Variants in SUGP2 observed in about 807,000 individuals in gnomAD.
The protein encoded by SUGP2 is SURP and G-patch domain containing 2, also known as SURP and G-patch domain-containing protein 2.
A neutral mutation model predicts 90.5 loss-of-function variants in SUGP2; 24 were observed. That is an observed-to-expected ratio of 0.27 (90% CI 0.19 to 0.37). The LOEUF (loss-of-function observed/expected upper bound fraction) is 0.37. SUGP2 is among the 10% of genes least tolerant of loss of function. The probability of loss-of-function intolerance (pLI) is 1.00; values close to 1 mark genes in which losing one functional copy is unlikely to be tolerated. For missense variants in SUGP2, 1,233 were observed against 1,363.3 expected, an observed-to-expected ratio of 0.90 and a Z score of 1.51; for synonymous variants, 473 against 513.4, an observed-to-expected ratio of 0.92 and a Z score of 1.06.
intron 2 of SUGP2, among the ~76,000 whole-genome samples, chr19:19,026,768 T>C (rs1390470834): frequency 6.6e-6 from 1 of 151,782 alleles, no homozygotes; most frequent in Admixed American, 6.6e-5. Context: ...ACCGTGAGGC[T>C]AGAGGAACCA....
Position 19,033,507 on chromosome 19 carries a change from G to T in SUGP2, c.-82C>A. The T allele has an allele frequency of 7.1e-7, 1 of 1,405,632 alleles. No individual in the cohort carries two copies. Among genetic ancestry groups the T allele is most frequent in the Admixed American group, 2.8e-5 (1 of 35,232 alleles). The allele number at this position is 1,405,632 out of a possible 1,614,324, so 87.1% of individuals were successfully genotyped here. A position where few individuals can be genotyped will look rare whatever the true frequency, so the allele number is the denominator to read the frequency against. ...TCCTCACCCGCCGCCGCCGCCGCGC[G>T]AGGCGGGGACATGCAAATGAACCAA... On this transcript the variant is annotated 5_prime_UTR_variant, in exon 1 of 11. Transcript: ENST00000452918.
At position 19,001,690 on chromosome 19, in the gene SUGP2, AAG is replaced by A; in HGVS notation, c.2930-18_2930-17del. On this transcript the variant is annotated splice_polypyrimidine_tract_variant and intron_variant, in intron 7 of 10. Transcript: ENST00000452918. ...GGTTCATGGACTAGAAGACAAAAGA[AAG>A]AGACACATACACATACATGTGCTTT... The A allele has an allele frequency of 2.5e-6, 4 of 1,613,904 alleles. No individual in the cohort carries two copies. The highest frequency in any genetic ancestry group is 3.4e-6 in the Non-Finnish European group (4 of 1,179,740).
At chr19:19,017,851 C>T (rs1316756231) in intron 4 of SUGP2, among the ~76,000 whole-genome samples, 1 of 151,928 alleles carries the variant, frequency 6.6e-6, no homozygotes, top group African/African-American at 2.4e-5. Flanking sequence ...AGCTTTAACC[C>T]AGCAGTTTCA....
Position 19,026,123 on chromosome 19 carries a change from G to A in SUGP2, c.225C>T (p.Ala75=), listed in dbSNP as rs1158734034. ...CGTCACTTCTCAGGCCTTCTCTTCC[G>A]GCATCTCTAGAGTGAGCTACAGATC... ...LSGSVAHSRD[A]GREGLRSDVF... Residue 75 remains alanine (A), a synonymous_variant, in exon 3 of 11, where the codon GCC becomes GCT. Transcript: ENST00000452918. 8.1e-6 allele frequency: 13 copies of A among 1,613,934 alleles called. No individual in the cohort carries two copies. Among genetic ancestry groups the A allele is most frequent in the South Asian group, 1.1e-5 (1 of 91,078 alleles).
At chr19:19,021,553 G>A (rs2058728886) in intron 3 of SUGP2, among the ~76,000 whole-genome samples, 1 of 152,174 alleles carries the variant, frequency 6.6e-6, no homozygotes, top group Admixed American at 6.5e-5. Flanking sequence ...GTCAGAAAGT[G>A]GGTCACAGCT....
chr19:19,005,495 A>C (rs928302317), intron 6 of SUGP2, among the ~76,000 whole-genome samples: 3 of 152,136 alleles, frequency 2.0e-5, no homozygotes, highest in African/African-American at 7.2e-5. Flanking sequence ...CCCACCAAGC[A>C]CTATAAAATG....
chr19:19,021,740 C>T (rs1230082158), intron 3 of SUGP2, among the ~76,000 whole-genome samples: 5 of 151,014 alleles, frequency 3.3e-5, no homozygotes, highest in African/African-American at 4.9e-5. Flanking sequence ...GCTCTAGGCT[C>T]ACTGCAACCT....
intron 7 of SUGP2, among the ~76,000 whole-genome samples, chr19:19,002,070 C>G (rs913715289): frequency 6.6e-6 from 1 of 152,192 alleles, no homozygotes; most frequent in Non-Finnish European, 1.5e-5. Context: ...TTATCTGCAG[C>G]TAATTCACTG....
chr19:19,013,650 ATTAT>A (rs963530362), intron 4 of SUGP2, among the ~76,000 whole-genome samples: 1 of 152,062 alleles, frequency 6.6e-6, no homozygotes, highest in Non-Finnish European at 1.5e-5. Flanking sequence ...CCAAACATCA[ATTAT>A]TTAGATTTTA....
At chr19:19,007,248 A>C (rs1461787417) in intron 6 of SUGP2, 1 of 152,290 alleles carries the variant, frequency 6.6e-6, no homozygotes, top group Non-Finnish European at 1.5e-5. Flanking sequence ...TGCTCCCAGC[A>C]TGAGCACGCC....
chr19:19,007,469 T>G (rs1408100663), intron 6 of SUGP2: 1 of 152,634 alleles, frequency 6.6e-6, no homozygotes, highest in East Asian at 1.9e-4. Flanking sequence ...TTTTTTTTTT[T>G]GAGATGGAGT....
At position 19,025,417 on chromosome 19, in the gene SUGP2, T is replaced by C; in HGVS notation, c.931A>G (p.Arg311Gly). Residue 311 changes from arginine to glycine, a missense_variant, in exon 3 of 11, where the codon AGA becomes GGA. Physicochemically the swap from Arg to Gly is moderately radical, Grantham distance 125 (BLOSUM62 -2). This residue lies in a region of SUGP2 where 418 missense variants were observed against 399.9 expected (regional missense o/e 1.05). Coordinates refer to ENST00000452918, the MANE Select transcript of SUGP2 (RefSeq NM_001017392.5). ...GLDLKNLRLP[R>G]RKMSFDIIDK... is the part of the protein sequence containing the mutation. Reference sequence around the variant, plus strand: ...ATGATGTCAAAGCTCATCTTTCTTCTGGGGAGCCGAAGATTCTTCAGATCC... The same window carrying C: ...ATGATGTCAAAGCTCATCTTTCTTCCGGGGAGCCGAAGATTCTTCAGATCC... 3 of 1,614,174 alleles carry C rather than the reference T, an allele frequency of 1.9e-6. No individual in the cohort carries two copies. Among genetic ancestry groups the C allele is most frequent in the Admixed American group, 1.7e-5 (1 of 60,008 alleles).
chr19:19,017,225 C>T (rs905413858), intron 4 of SUGP2, among the ~76,000 whole-genome samples: 1 of 152,140 alleles, frequency 6.6e-6, no homozygotes, highest in African/African-American at 2.4e-5. Flanking sequence ...AGCACACCTA[C>T]AGAGTAGCAG....
In SUGP2 at chr19:19,019,186, G is replaced by A; in HGVS notation, c.1773C>T (p.Asp591=). The A allele has an allele frequency of 6.2e-7, 1 of 1,614,154 alleles. No homozygotes were observed. Among genetic ancestry groups the A allele is most frequent in the Non-Finnish European group, 8.5e-7 (1 of 1,180,006 alleles). ...CTTCGATGACACGTTTCACAAGCTG[G>A]TCGATGGTGCCCACTACCCTGTGAT... is the stretch of plus-strand genomic sequence containing the variant. ...RADHRVVGTI[D]QLVKRVIEGS... Residue 591 remains aspartate, a synonymous_variant, in exon 4 of 11, where the codon GAC becomes GAT. Transcript: ENST00000452918.
Position 19,025,898 on chromosome 19 carries a change from A to G in SUGP2, c.450T>C (p.His150=), listed in dbSNP as rs759634925. 1 of 1,614,218 alleles carries G rather than the reference A, an allele frequency of 6.2e-7. No homozygotes were observed. Among genetic ancestry groups the G allele is most frequent in the Admixed American group, 1.7e-5 (1 of 60,022 alleles). The change falls in exon 3 of 11, where the codon CAT becomes CAC. Residue 150 remains histidine (H), a synonymous_variant. Transcript: ENST00000452918. ...LRGSWEQDFG[H]PVSQESSWSQ... Reference sequence around the variant, plus strand: ...ACCAAGAGGACTCTTGAGAAACTGGATGGCCAAAGTCTTGTTCCCAAGAAC... The same window carrying G: ...ACCAAGAGGACTCTTGAGAAACTGGGTGGCCAAAGTCTTGTTCCCAAGAAC...
At chr19:18,996,472 G>A (rs562207076) in intron 8 of SUGP2, among the ~76,000 whole-genome samples, 13 of 152,156 alleles carry the variant, frequency 8.5e-5, no homozygotes, top group Admixed American at 7.9e-4. Flanking sequence ...GCTGGTCTCG[G>A]ATTCCCGGCT....
chr19:19,033,008 A>G (rs2059244711), intron 1 of SUGP2: 3 of 152,114 alleles, frequency 2.0e-5, no homozygotes, highest in African/African-American at 7.2e-5. Context: ...CCAGGTTCAA[A>G]TCACACGATT....
At chr19:19,000,402 C>G (rs2057782971) in intron 8 of SUGP2, among the ~76,000 whole-genome samples, 1 of 152,230 alleles carries the variant, frequency 6.6e-6, no homozygotes, top group Admixed American at 6.5e-5. Flanking sequence ...TCATCCATTT[C>G]TCTTTCACTG....
intron 4 of SUGP2, among the ~76,000 whole-genome samples, chr19:19,013,470 T>C (rs2058380099): frequency 6.6e-6 from 1 of 152,234 alleles, no homozygotes; most frequent in African/African-American, 2.4e-5. Flanking sequence ...GTTCCTTTAA[T>C]GGCTAATCGA....
Sources: allele counts gnomAD v4.1 joint callset (sites outside exome capture counted in the v4.1 genomes callset), GRCh38; gene constraint gnomAD v4.1.1; regional missense constraint gnomAD v4.1.1; transcripts MANE v1.5; gene names NCBI Gene and HGNC (gene_info 2026-07-23, HGNC 2026-07-21).